CALN1: variants seen among roughly 807,000 people sequenced by gnomAD.
The protein encoded by CALN1 is calneuron 1, also known as calcium-binding protein 8.
Under a neutral mutation model 30.6 loss-of-function variants are expected in CALN1, and 17 were observed. That is an observed-to-expected ratio of 0.56 (90% CI 0.38 to 0.83). The LOEUF (loss-of-function observed/expected upper bound fraction) is 0.83. CALN1 is among the 40% of genes least tolerant of loss of function. The pLI, the probability that CALN1 is intolerant of heterozygous loss-of-function variation, is 0.00. For missense variants in CALN1, 291 were observed against 354.9 expected (o/e 0.82, Z 1.45); for synonymous variants, 156 against 131.4 (o/e 1.19, Z -1.28).
chr7:72,279,150 G>A (rs1445923322), intron 2 of CALN1, among the ~76,000 whole-genome samples: 1 of 152,068 alleles, frequency 6.6e-6, no homozygotes, highest in African/African-American at 2.4e-5. Context: ...TCCTTGGCCC[G>A]ATAAATTCTC....
At position 72,179,665 on chromosome 7, in the gene CALN1, A is replaced by G. The variant is rs1243781557; in HGVS notation, c.245-73371T>C. 2.6e-5 allele frequency among the ~76,000 whole-genome samples: 4 copies of G among 152,328 alleles called. No individual in the cohort carries two copies. In the East Asian group the frequency reaches 7.7e-4, roughly 29 times the overall value. Reference sequence around the variant, plus strand: ...CTTGCTCAAAATGACAGATAACTAAATGAATCGCCATATAACCATAACTCA... The same window carrying G: ...CTTGCTCAAAATGACAGATAACTAAGTGAATCGCCATATAACCATAACTCA... On this transcript the variant is annotated intron_variant, in intron 3 of 6. Transcript: ENST00000395275.
intron 5 of CALN1, among the ~76,000 whole-genome samples, chr7:71,865,501 A>G (rs1022397262): frequency 6.6e-6 from 1 of 152,200 alleles, no homozygotes; most frequent in Non-Finnish European, 1.5e-5. Flanking sequence ...CCAGTCTCAG[A>G]TATTTCCTTA....
intron 4 of CALN1, among the ~76,000 whole-genome samples, chr7:72,053,579 T>A (rs945630407): frequency 6.6e-6 from 1 of 152,242 alleles, no homozygotes; most frequent in Non-Finnish European, 1.5e-5. Context: ...GTGTCATTTT[T>A]TTTTTAAGAT....
chr7:72,161,801 G>C (rs1357527881), intron 3 of CALN1, among the ~76,000 whole-genome samples: 1 of 152,020 alleles, frequency 6.6e-6, no homozygotes, highest in African/African-American at 2.4e-5. Flanking sequence ...AGAGCATCCG[G>C]AAGAATAGCT....
At chr7:72,280,337 T>C (rs1412311433) in intron 2 of CALN1, among the ~76,000 whole-genome samples, 1 of 152,152 alleles carries the variant, frequency 6.6e-6, no homozygotes, top group Admixed American at 6.5e-5. Context: ...CGCCCTTAAC[T>C]CTTTCCATAG....
chr7:71,944,622 G>GAA (rs1796315813), intron 5 of CALN1, among the ~76,000 whole-genome samples: 2 of 107,758 alleles, frequency 1.9e-5, no homozygotes, highest in African/African-American at 6.8e-5. Flanking sequence ...AAAAAAGAAA[G>GAA]AAAACATTTC....
At chr7:71,966,534 T>C (rs986909509) in intron 5 of CALN1, among the ~76,000 whole-genome samples, 5 of 152,178 alleles carry the variant, frequency 3.3e-5, no homozygotes, top group African/African-American at 7.2e-5. Flanking sequence ...TCTCTCTCTG[T>C]CTCCTGCTCC....
chr7:72,345,776 A>G (rs2129559007), intron 2 of CALN1, among the ~76,000 whole-genome samples: 1 of 152,302 alleles, frequency 6.6e-6, no homozygotes, highest in Non-Finnish European at 1.5e-5. Flanking sequence ...TTCGGCCTTA[A>G]ATTATCTCAA....
intron 3 of CALN1, among the ~76,000 whole-genome samples, chr7:72,220,728 T>G (rs1469064444): frequency 3.3e-5 from 5 of 151,714 alleles, no homozygotes; most frequent in African/African-American, 1.2e-4. Context: ...TTTTAATGAT[T>G]GCCATTCTAA....
Position 72,412,256 on chromosome 7 carries a change from G to C in CALN1, c.-272C>G, listed in dbSNP as rs73133140. 3 of 152,112 alleles carry C rather than the reference G, an allele frequency of 2.0e-5. No individual in the cohort carries two copies. Among genetic ancestry groups the C allele is most frequent in the African/African-American group, 7.2e-5 (3 of 41,420 alleles). 9.4% of individuals were successfully genotyped at this position (152,112 alleles called of 1,614,324 possible). A position where few individuals can be genotyped will look rare whatever the true frequency, so the allele number is the denominator to read the frequency against. Reference sequence around the variant, plus strand: ...GGCCGTGAGCTTTAAAGGTGGCGCGGACCCAGAGTAAGCAGTAAGCTTTAT... The same window carrying C: ...GGCCGTGAGCTTTAAAGGTGGCGCGCACCCAGAGTAAGCAGTAAGCTTTAT... On this transcript the variant is annotated 5_prime_UTR_variant, in exon 1 of 7. Coordinates refer to ENST00000395275, the MANE Select transcript of CALN1 (RefSeq NM_031468.4).
At chr7:71,981,674 CA>C (rs35596606) in intron 5 of CALN1, among the ~76,000 whole-genome samples, 24,619 of 143,906 alleles carry the variant, frequency 0.17, 3,244 homozygotes, top group East Asian at 0.38. Flanking sequence ...AAAACAAAAC[CA>C]AAAAAAAAAA....
intron 4 of CALN1, among the ~76,000 whole-genome samples, chr7:72,082,513 G>C (rs1805215425): frequency 6.6e-6 from 1 of 152,150 alleles, no homozygotes; most frequent in Non-Finnish European, 1.5e-5. Flanking sequence ...GAAACAGAAT[G>C]GAAGGAGACC....
At chr7:72,492,435 A>C in the CALN1 span, among the ~76,000 whole-genome samples, 1 of 152,184 alleles carries the variant, frequency 6.6e-6, no homozygotes, top group Non-Finnish European at 1.5e-5. Flanking sequence ...TGCTGGGTTG[A>C]TTGGTTCCAC....
intron 3 of CALN1, among the ~76,000 whole-genome samples, chr7:72,177,873 C>T (rs1358894490): frequency 6.6e-6 from 1 of 152,074 alleles, no homozygotes; most frequent in African/African-American, 2.4e-5. Context: ...TAGCATTCTC[C>T]TTTGTAACAT....
chr7:72,213,158 T>C (rs1562746398), intron 3 of CALN1, among the ~76,000 whole-genome samples: 1 of 152,230 alleles, frequency 6.6e-6, no homozygotes, highest in South Asian at 2.1e-4. Flanking sequence ...CTGCCTCTTA[T>C]AATTGCTAAT....
At chr7:72,294,750 T>TATAAATA (rs1798733854) in intron 2 of CALN1, among the ~76,000 whole-genome samples, 1 of 147,838 alleles carries the variant, frequency 6.8e-6, no homozygotes, top group East Asian at 2.0e-4. Context: ...TCTAAAAAAG[T>TATAAATA]AATAAATAAA....
chr7:72,309,411 C>T (rs1288131028), intron 2 of CALN1, among the ~76,000 whole-genome samples: 1 of 152,070 alleles, frequency 6.6e-6, no homozygotes, highest in African/African-American at 2.4e-5. Flanking sequence ...AGGAATGGAC[C>T]CCTCTCTTCT....
At chr7:72,306,648 A>G (rs1405662226) in intron 2 of CALN1, among the ~76,000 whole-genome samples, 2 of 152,024 alleles carry the variant, frequency 1.3e-5, no homozygotes, top group Non-Finnish European at 2.9e-5. Flanking sequence ...AAAAAAAAGA[A>G]AAGAAAAATA....
intron 5 of CALN1, among the ~76,000 whole-genome samples, chr7:71,941,909 G>C (rs1277219022): frequency 6.6e-6 from 1 of 152,120 alleles, no homozygotes; most frequent in Non-Finnish European, 1.5e-5. Flanking sequence ...ACATAAAAAA[G>C]TCAACTGGGC....
Sources: allele counts gnomAD v4.1 joint callset (sites outside exome capture counted in the v4.1 genomes callset), GRCh38; gene constraint gnomAD v4.1.1; transcripts MANE v1.5; gene names NCBI Gene and HGNC (gene_info 2026-07-23, HGNC 2026-07-21).